ESCO1: variants seen among roughly 807,000 people sequenced by gnomAD.
ESCO1 encodes the protein establishment of sister chromatid cohesion N-acetyltransferase 1.
ESCO1 carries 33 observed loss-of-function variants against 83.5 expected under a neutral mutation model. The observed-to-expected ratio is 0.40, with a 90% CI of 0.30 to 0.53. The LOEUF (loss-of-function observed/expected upper bound fraction) is 0.53. ESCO1 is among the 20% of genes least tolerant of loss of function. The pLI is 0.63. For synonymous variants in ESCO1, 332 were observed against 324.3 expected, an observed-to-expected ratio of 1.02 and a Z score of -0.25; for missense variants, 855 against 968.0, an observed-to-expected ratio of 0.88 and a Z score of 1.55.
At position 21,560,820 on chromosome 18, in the gene ESCO1, T is replaced by C. The variant is rs528078848; in HGVS notation, c.1953+39A>G. The C allele has an allele frequency of 4.7e-5, 74 of 1,589,030 alleles. No individual in the cohort carries two copies. In the South Asian group the frequency reaches 6.3e-4, roughly 14 times the overall value. Reference sequence around the variant, plus strand: ...TCTCATTAAGAGACCGACCTAATTATCTGATTTTTGCATTTTAGAATTCAC... The same window carrying C: ...TCTCATTAAGAGACCGACCTAATTACCTGATTTTTGCATTTTAGAATTCAC... On this transcript the variant is annotated intron_variant, in intron 8 of 11. Transcript: ENST00000269214.
At chr18:21,546,902 C>A (rs867947446) in intron 8 of ESCO1, among the ~76,000 whole-genome samples, 1 of 152,134 alleles carries the variant, frequency 6.6e-6, no homozygotes, top group African/African-American at 2.4e-5. Context: ...ATTCATGATC[C>A]GGTCCCCCAT....
In ESCO1 at chr18:21,573,280, G is replaced by A. The variant is rs185554378; in HGVS notation, c.1530+34C>T. ...AGACATTTCTTACAGAAAATATTTC[G>A]GCACCTCTATTGTGCATAATAAAAA... is the stretch of plus-strand genomic sequence containing the variant. On this transcript the variant is annotated intron_variant, in intron 4 of 11. Transcript: ENST00000269214. 7,012 of 1,476,184 alleles carry A rather than the reference G, an allele frequency of 4.8e-3. 19 individuals are homozygous for A. The highest frequency in any genetic ancestry group is 0.013 in the Middle Eastern group (62 of 4,920). The allele number at this position is 1,476,184 out of a possible 1,614,324, so 91.4% of individuals were successfully genotyped here.
chr18:21,564,941 C>T (rs1007372113), intron 6 of ESCO1, among the ~76,000 whole-genome samples: 1 of 151,746 alleles, frequency 6.6e-6, no homozygotes, highest in African/African-American at 2.4e-5. Context: ...CCAGGTGTGG[C>T]AGCGTGTGCC....
intron 8 of ESCO1, among the ~76,000 whole-genome samples, chr18:21,542,070 A>G (rs182785092): frequency 3.9e-5 from 6 of 152,362 alleles, no homozygotes; most frequent in Admixed American, 3.3e-4. Context: ...TATGTTTTAA[A>G]TAGTACCTTT....
chr18:21,556,803 C>T (rs566896132), intron 8 of ESCO1, among the ~76,000 whole-genome samples: 16 of 152,170 alleles, frequency 1.1e-4, no homozygotes, highest in African/African-American at 3.6e-4. Context: ...CAGGCTCAAG[C>T]GATTCTCCTG....
chr18:21,567,965 T>C lies in ESCO1; in HGVS notation c.1645+15A>G, dbSNP rs1175862909. ...TGAAGACTATGAAATCCAAATAATA[T>C]TTCCAAAGTATTACCTGGAAATTTA... On this transcript the variant is annotated intron_variant, in intron 5 of 11. Coordinates refer to ENST00000269214, the MANE Select transcript of ESCO1 (RefSeq NM_052911.3). 1 of 1,581,790 alleles carries C rather than the reference T, an allele frequency of 6.3e-7. No homozygotes were observed. Among genetic ancestry groups the C allele is most frequent in the Admixed American group, 1.7e-5 (1 of 58,212 alleles).
intron 8 of ESCO1, among the ~76,000 whole-genome samples, chr18:21,558,867 A>G (rs2038147158): frequency 6.6e-6 from 1 of 152,188 alleles, no homozygotes; most frequent in East Asian, 1.9e-4. Context: ...CCAGAGTACC[A>G]TATGACTTCT....
intron 9 of ESCO1, among the ~76,000 whole-genome samples, chr18:21,539,581 G>A (rs1275729256): frequency 2.0e-5 from 3 of 152,222 alleles, no homozygotes; most frequent in African/African-American, 7.2e-5. Flanking sequence ...GCCAGGCGCA[G>A]TGGTTCAAGC....
At chr18:21,592,126 G>C (rs34564833) in intron 1 of ESCO1, among the ~76,000 whole-genome samples, 121,551 of 145,784 alleles carry the variant, frequency 0.83, 50,876 homozygotes, top group East Asian at 0.98. Flanking sequence ...CACCTTTCCC[G>C]GCTTTCTATT....
chr18:21,584,968 C>T (rs895244551), intron 1 of ESCO1, among the ~76,000 whole-genome samples: 2 of 151,868 alleles, frequency 1.3e-5, no homozygotes, highest in Non-Finnish European at 2.9e-5. Flanking sequence ...GGTGAAGCCC[C>T]GTCTCTACTA....
intron 2 of ESCO1, among the ~76,000 whole-genome samples, chr18:21,580,923 G>A (rs535045360): frequency 6.6e-6 from 1 of 152,308 alleles, no homozygotes; most frequent in African/African-American, 2.4e-5. Context: ...CCAGGAGGCG[G>A]AGGTTGCGGT....
At chr18:21,564,941 C>A (rs1007372113) in intron 6 of ESCO1, among the ~76,000 whole-genome samples, 2 of 151,746 alleles carry the variant, frequency 1.3e-5, no homozygotes, top group African/African-American at 4.8e-5. Flanking sequence ...CCAGGTGTGG[C>A]AGCGTGTGCC....
intron 8 of ESCO1, among the ~76,000 whole-genome samples, chr18:21,554,659 C>T (rs1000774240): frequency 6.6e-6 from 1 of 152,056 alleles, no homozygotes; most frequent in South Asian, 2.1e-4. Flanking sequence ...CCTGGAATCT[C>T]GGCACTTTGG....
chr18:21,565,152 T>TA (rs1307985198), intron 6 of ESCO1, among the ~76,000 whole-genome samples: 2 of 151,894 alleles, frequency 1.3e-5, no homozygotes, highest in East Asian at 1.9e-4. Flanking sequence ...TAATTTTCAG[T>TA]AAAAAAACAA....
chr18:21,537,707 C>T (rs1469362036), intron 9 of ESCO1, among the ~76,000 whole-genome samples: 5 of 152,058 alleles, frequency 3.3e-5, no homozygotes, highest in Non-Finnish European at 5.9e-5. Context: ...GATTTTGTTC[C>T]GATAAACTAA....
chr18:21,533,462 A>C (rs2037793798), intron 10 of ESCO1, among the ~76,000 whole-genome samples: 1 of 151,978 alleles, frequency 6.6e-6, no homozygotes, highest in African/African-American at 2.4e-5. Flanking sequence ...TGCCCGACTA[A>C]GTTTTGTATT....
chr18:21,531,957 C>T (rs1359631143), intron 11 of ESCO1, among the ~76,000 whole-genome samples: 2 of 147,506 alleles, frequency 1.4e-5, no homozygotes, highest in East Asian at 2.0e-4. Flanking sequence ...TTAATTTTAA[C>T]CTCCTTCATT....
chr18:21,552,454 T>C (rs1598985888), intron 8 of ESCO1, among the ~76,000 whole-genome samples: 1 of 152,206 alleles, frequency 6.6e-6, no homozygotes, highest in South Asian at 2.1e-4. Flanking sequence ...TGCTCGGCAC[T>C]TCTCTCTCCT....
chr18:21,582,511 A>G (rs973594758), intron 2 of ESCO1, among the ~76,000 whole-genome samples: 6 of 152,166 alleles, frequency 3.9e-5, no homozygotes, highest in African/African-American at 1.4e-4. Flanking sequence ...CATTACAGGC[A>G]TTACCATGTC....
Sources: gnomAD v4.1 joint callset for allele counts (sites outside exome capture counted in the v4.1 genomes callset) on GRCh38, gnomAD v4.1.1 for gene constraint, MANE v1.5 for transcripts, NCBI Gene and HGNC (gene_info 2026-07-23, HGNC 2026-07-21) for gene names.